The following PPIP5K2 variants were observed in gnomAD, a reference collection of about 807,000 sequenced individuals.
PPIP5K2 encodes inositol hexakisphosphate and diphosphoinositol-pentakisphosphate kinase 2.
PPIP5K2 carries 105 observed loss-of-function variants against 154.6 expected under a neutral mutation model. The observed-to-expected ratio is 0.68, with a 90% CI of 0.58 to 0.80. The LOEUF is 0.80. PPIP5K2 is among the 30% of genes least tolerant of loss of function. The probability of loss-of-function intolerance (pLI) is 0.00; values close to 1 mark genes in which losing one functional copy is unlikely to be tolerated. For missense variants in PPIP5K2, 992 were observed against 1,504.6 expected (o/e 0.66, Z 5.64); for synonymous variants, 480 against 490.3 (o/e 0.98, Z 0.28).
In PPIP5K2 at chr5:103,206,697, A is replaced by G. The variant is rs1401882987; in HGVS notation, c.*5063A>G. ...ACAATCACATCTTTATTCACTTACT[A>G]TGATAAAATTATAAGCAAGAGACCA... On this transcript the variant is annotated 3_prime_UTR_variant, in exon 31 of 31. Coordinates refer to ENST00000358359, the MANE Select transcript of PPIP5K2 (RefSeq NM_001276277.3). 1 of 152,204 alleles carries G rather than the reference A, an allele frequency of 6.6e-6. No individual in the cohort carries two copies. Among genetic ancestry groups the G allele is most frequent in the Non-Finnish European group, 1.5e-5 (1 of 68,036 alleles). The allele number at this position is 152,204 out of a possible 1,614,324, so 9.4% of individuals were successfully genotyped here. A position where few individuals can be genotyped will look rare whatever the true frequency, so the allele number is the denominator to read the frequency against.
At chr5:103,157,234 C>G (rs1277460444) in intron 14 of PPIP5K2, among the ~76,000 whole-genome samples, 1 of 151,670 alleles carries the variant, frequency 6.6e-6, no homozygotes, top group African/African-American at 2.4e-5. Context: ...ATCTTAATAC[C>G]ATGAAAAGGA....
At chr5:103,190,575 ATTATTCT>A (rs1336004637) in intron 28 of PPIP5K2, among the ~76,000 whole-genome samples, 1 of 151,884 alleles carries the variant, frequency 6.6e-6, no homozygotes, top group Non-Finnish European at 1.5e-5. Context: ...TTTTTAAAGT[ATTATTCT>A]TAGATTTTAC....
chr5:103,180,283 G>T, intron 24 of PPIP5K2, 95 bp downstream of exon 24: 1 of 1,024,584 alleles, frequency 9.8e-7, no homozygotes, highest in South Asian at 2.5e-5. Flanking sequence ...GTGGAGCTTG[G>T]GAAACCAACA....
intron 2 of PPIP5K2, among the ~76,000 whole-genome samples, chr5:103,132,267 C>T (rs1269115174): frequency 6.6e-6 from 1 of 152,022 alleles, no homozygotes; most frequent in African/African-American, 2.4e-5. Context: ...TTAGGCTGGG[C>T]GTGGTAGCTC....
At chr5:103,172,901 AC>A (rs1420672169) in intron 19 of PPIP5K2, among the ~76,000 whole-genome samples, 1 of 151,886 alleles carries the variant, frequency 6.6e-6, no homozygotes, top group Admixed American at 6.6e-5. Flanking sequence ...CATAAAAATT[AC>A]ATTCACCCAT....
intron 9 of PPIP5K2, among the ~76,000 whole-genome samples, chr5:103,152,082 C>G (rs1794721899): frequency 6.6e-6 from 1 of 151,922 alleles, no homozygotes; most frequent in South Asian, 2.1e-4. Flanking sequence ...TTCAGATTTT[C>G]AGATTAAGAA....
intron 1 of PPIP5K2, among the ~76,000 whole-genome samples, chr5:103,127,509 T>C (rs1789891662): frequency 6.6e-6 from 1 of 152,234 alleles, no homozygotes; most frequent in African/African-American, 2.4e-5. Context: ...ATAGTGTTTG[T>C]TGGATAACTA....
intron 21 of PPIP5K2, among the ~76,000 whole-genome samples, chr5:103,176,175 C>T (rs1356014497): frequency 1.3e-5 from 2 of 151,874 alleles, no homozygotes; most frequent in African/African-American, 2.4e-5. Context: ...ATATTAATTA[C>T]GTTCTGGAAG....
chr5:103,183,352 C>T lies in PPIP5K2; in HGVS notation c.3041C>T (p.Pro1014Leu), dbSNP rs1554223784. Residue 1014 changes from proline to leucine, a missense_variant, in exon 25 of 31, where the codon CCT becomes CTT. Physicochemically the swap from Pro to Leu is moderately conservative, Grantham distance 98 (BLOSUM62 -3). Coordinates refer to ENST00000358359, the MANE Select transcript of PPIP5K2 (RefSeq NM_001276277.3). ...TCAGGGGAACAAATCACTTCTTCCC[C>T]TGTCTCCCCCAAATCATTGGCTTTC... Reference protein sequence around the residue: ...RRSGEQITSSPVSPKSLAFTS... With the variant: ...RRSGEQITSSLVSPKSLAFTS... 1 of 1,611,124 alleles carries T rather than the reference C, an allele frequency of 6.2e-7. No individual in the cohort carries two copies. Among genetic ancestry groups the T allele is most frequent in the Admixed American group, 1.7e-5 (1 of 59,350 alleles).
At chr5:103,138,715 T>C (rs1554205326) in intron 5 of PPIP5K2, among the ~76,000 whole-genome samples, 1 of 152,216 alleles carries the variant, frequency 6.6e-6, no homozygotes, top group East Asian at 1.9e-4. Context: ...CTAAGAATCA[T>C]GAGTTAGAAT....
intron 17 of PPIP5K2, among the ~76,000 whole-genome samples, chr5:103,160,615 A>G (rs1387479469): frequency 1.3e-5 from 2 of 152,136 alleles, no homozygotes; most frequent in Non-Finnish European, 2.9e-5. Context: ...TCTCTGTTGC[A>G]TATTGTTTTT....
intron 17 of PPIP5K2, among the ~76,000 whole-genome samples, chr5:103,160,153 T>G (rs1796000925): frequency 6.6e-6 from 1 of 152,210 alleles, no homozygotes; most frequent in Non-Finnish European, 1.5e-5. Context: ...ATACTACACT[T>G]TCTTTATTCA....
chr5:103,144,641 G>C (rs1017989353), intron 5 of PPIP5K2, among the ~76,000 whole-genome samples: 2 of 152,086 alleles, frequency 1.3e-5, no homozygotes, highest in African/African-American at 4.8e-5. Context: ...ACTCATTTTC[G>C]ACAAAGTTGA....
intron 27 of PPIP5K2, among the ~76,000 whole-genome samples, chr5:103,186,844 A>G (rs1800467515): frequency 6.6e-6 from 1 of 152,170 alleles, no homozygotes; most frequent in Non-Finnish European, 1.5e-5. Flanking sequence ...CATATTGGCA[A>G]TATTTTTATA....
At chr5:103,152,294 A>G (rs1224073025) in intron 9 of PPIP5K2, among the ~76,000 whole-genome samples, 1 of 151,978 alleles carries the variant, frequency 6.6e-6, no homozygotes, top group Admixed American at 6.5e-5. Context: ...TAGATGTTCA[A>G]TAAAGTGATA....
At chr5:103,166,589 A>T (rs1265422422) in intron 17 of PPIP5K2, among the ~76,000 whole-genome samples, 1 of 151,984 alleles carries the variant, frequency 6.6e-6, no homozygotes, top group Non-Finnish European at 1.5e-5. Flanking sequence ...AAGTGTCTTG[A>T]CCCTGACAGA....
intron 17 of PPIP5K2, 35 bp downstream of exon 17, chr5:103,159,363 TACAC>T (rs552270578): frequency 6.7e-6 from 10 of 1,501,162 alleles, no homozygotes; most frequent in Non-Finnish European, 9.0e-6. Flanking sequence ...TGTGAAATAT[TACAC>T]ACACACAGAA....
Position 103,128,325 on chromosome 5 carries a change from A to G in PPIP5K2, c.-284-981A>G, listed in dbSNP as rs1382984050. Among the ~76,000 whole-genome samples, 6 of 152,284 alleles carry G rather than the reference A, an allele frequency of 3.9e-5. No homozygotes were observed. In the East Asian group the frequency reaches 9.6e-4, roughly 24 times the overall value. ...ATAATTAATTTTAATATGACCAGGA[A>G]GCAAGTACATGTAAACAACTATGGT... On this transcript the variant is annotated intron_variant, in intron 1 of 30. Transcript: ENST00000358359.
At chr5:103,193,537 A>C (rs143081691) in intron 29 of PPIP5K2, among the ~76,000 whole-genome samples, 116 of 152,068 alleles carry the variant, frequency 7.6e-4, no homozygotes, top group African/African-American at 2.7e-3. Context: ...AGGTATATTA[A>C]TTAGGATAAG....
Sources: gnomAD v4.1 joint callset for allele counts (sites outside exome capture counted in the v4.1 genomes callset) on GRCh38, gnomAD v4.1.1 for gene constraint, MANE v1.5 for transcripts, NCBI Gene and HGNC (gene_info 2026-07-23, HGNC 2026-07-21) for gene names.